Variants in PBRM1 observed in about 807,000 individuals in gnomAD.
The protein encoded by PBRM1 is polybromo 1.
A neutral mutation model predicts 194.5 loss-of-function variants in PBRM1; 27 were observed. The observed-to-expected ratio is 0.14, with a 90% confidence interval of 0.10 to 0.19. The LOEUF is 0.19. PBRM1 is among the 10% of genes least tolerant of loss of function. The probability of loss-of-function intolerance (pLI) is 1.00; values close to 1 mark genes in which losing one functional copy is unlikely to be tolerated. For synonymous variants in PBRM1, 655 were observed against 693.2 expected (o/e 0.94, Z 0.87); for missense variants, 1,466 against 2,077.2 (o/e 0.71, Z 5.72).
At chr3:52,588,194 G>A (rs1466004772) in intron 18 of PBRM1, among the ~76,000 whole-genome samples, 1 of 152,152 alleles carries the variant, frequency 6.6e-6, no homozygotes, top group Non-Finnish European at 1.5e-5. Context: ...GCTCTCTGGT[G>A]AAGGAATACA....
chr3:52,579,406 T>C (rs1423324159), intron 20 of PBRM1, among the ~76,000 whole-genome samples: 1 of 152,102 alleles, frequency 6.6e-6, no homozygotes, highest in African/African-American at 2.4e-5. Context: ...GGCAACATAG[T>C]GAGACCTTGT....
chr3:52,559,864 T>TC (rs2083076445), intron 25 of PBRM1, among the ~76,000 whole-genome samples: 4 of 127,324 alleles, frequency 3.1e-5, no homozygotes, highest in African/African-American at 1.1e-4. Context: ...AAAAAAAAAA[T>TC]CGACCTAGGG....
intron 29 of PBRM1, among the ~76,000 whole-genome samples, chr3:52,550,140 C>T (rs1291083287): frequency 2.0e-5 from 3 of 152,210 alleles, no homozygotes; most frequent in African/African-American, 4.8e-5. Flanking sequence ...ATCAGTTGAA[C>T]CTGGAAGGCG....
At chr3:52,586,485 A>G in exon 20 of PBRM1, 1 of 1,614,100 alleles carries the variant, frequency 6.2e-7, no homozygotes. Flanking sequence ...TATTCTTCTC[A>G]TCATCACCTT....
At chr3:52,612,454 A>T (rs766854256) in intron 15 of PBRM1, among the ~76,000 whole-genome samples, 4 of 152,018 alleles carry the variant, frequency 2.6e-5, no homozygotes, top group Admixed American at 6.6e-5. Context: ...ATAAGAAATA[A>T]GGGAAATAAA....
At chr3:52,593,374 C>A (rs1380097902) in intron 17 of PBRM1, among the ~76,000 whole-genome samples, 1 of 152,106 alleles carries the variant, frequency 6.6e-6, no homozygotes, top group Non-Finnish European at 1.5e-5. Context: ...ATAGCTGGGA[C>A]TACAGGCACA....
chr3:52,565,999 G>A (rs762014483), intron 22 of PBRM1, among the ~76,000 whole-genome samples: 4 of 151,566 alleles, frequency 2.6e-5, no homozygotes, highest in Non-Finnish European at 4.4e-5. Context: ...GCAGTGAGCC[G>A]AGATTGCGCC....
intron 20 of PBRM1, among the ~76,000 whole-genome samples, chr3:52,583,568 C>T (rs1053112469): frequency 2.0e-5 from 3 of 151,914 alleles, no homozygotes; most frequent in East Asian, 1.9e-4. Flanking sequence ...GCCTTCTTTC[C>T]GTAAATTATC....
chr3:52,624,316 A>G (rs2095373670), intron 13 of PBRM1, among the ~76,000 whole-genome samples: 1 of 152,224 alleles, frequency 6.6e-6, no homozygotes, highest in African/African-American at 2.4e-5. Flanking sequence ...TACTCTGTGA[A>G]TGTCAGACGG....
chr3:52,612,899 C>T (rs2094717840), intron 15 of PBRM1, among the ~76,000 whole-genome samples: 1 of 141,574 alleles, frequency 7.1e-6, no homozygotes, highest in Non-Finnish European at 1.5e-5. Flanking sequence ...GAGTGAGAAT[C>T]CGTCTCAAAA....
At chr3:52,586,082 C>T (rs1391793788) in intron 20 of PBRM1, 6 of 172,476 alleles carry the variant, frequency 3.5e-5, no homozygotes, top group Admixed American at 1.2e-4. Context: ...ATTACAGGCA[C>T]GCGCCACCAC....
intron 18 of PBRM1, among the ~76,000 whole-genome samples, chr3:52,588,088 A>G (rs1375744742): frequency 6.6e-6 from 1 of 152,152 alleles, no homozygotes; most frequent in Non-Finnish European, 1.5e-5. Context: ...TGAGGAGGAC[A>G]GGTGATGAGA....
At chr3:52,581,380 C>T (rs370444470) in intron 20 of PBRM1, among the ~76,000 whole-genome samples, 2 of 151,966 alleles carry the variant, frequency 1.3e-5, no homozygotes, top group Non-Finnish European at 2.9e-5. Context: ...CATGATGGTG[C>T]GCGCCTGTAG....
At chr3:52,643,213 A>C in intron 9 of PBRM1, 35 bp downstream of exon 10, 2 of 1,409,168 alleles carry the variant, frequency 1.4e-6, no homozygotes, top group Non-Finnish European at 2.0e-6. Flanking sequence ...TTATAAGCAC[A>C]GGTCAACTCT....
At chr3:52,628,249 G>A (rs2095506439) in intron 12 of PBRM1, among the ~76,000 whole-genome samples, 1 of 151,300 alleles carries the variant, frequency 6.6e-6, no homozygotes, top group Non-Finnish European at 1.5e-5. Context: ...GTGATTGCAG[G>A]GTGACTTCAT....
chr3:52,556,756 G>C (rs1300443596), intron 26 of PBRM1, among the ~76,000 whole-genome samples: 1 of 152,102 alleles, frequency 6.6e-6, no homozygotes, highest in Non-Finnish European at 1.5e-5. Flanking sequence ...TTCCCCATGA[G>C]GACCAAAGAG....
chr3:52,558,300 G>C, exon 26 of PBRM1: 1 of 1,548,578 alleles, frequency 6.5e-7, no homozygotes, highest in Non-Finnish European at 8.7e-7. Context: ...GTTGGTGGTG[G>C]CACCACCCCC....
intron 20 of PBRM1, among the ~76,000 whole-genome samples, chr3:52,580,975 T>C (rs182583508): frequency 1.3e-5 from 2 of 152,290 alleles, no homozygotes; most frequent in East Asian, 3.9e-4. Context: ...AGAAGAACCA[T>C]CATTTACTGA....
chr3:52,593,315 C>A (rs2093274156), intron 17 of PBRM1, among the ~76,000 whole-genome samples: 1 of 152,010 alleles, frequency 6.6e-6, no homozygotes, highest in Non-Finnish European at 1.5e-5. Context: ...TGCAGTGGCA[C>A]AATCTTGGCT....
Sources: allele counts gnomAD v4.1 joint callset (sites outside exome capture counted in the v4.1 genomes callset), GRCh38; gene constraint gnomAD v4.1.1; transcripts MANE v1.5; gene names NCBI Gene and HGNC (gene_info 2026-07-23, HGNC 2026-07-21).